Variants in CC2D2B observed in about 807,000 individuals in gnomAD.
The protein encoded by CC2D2B is coiled-coil and C2 domain containing 2B, also known as protein CC2D2B.
In CC2D2B, 128 loss-of-function variants were observed where a neutral mutation model predicts 161.2. The observed-to-expected ratio is 0.79, with a 90% CI of 0.69 to 0.92. The LOEUF is 0.92. Among genes scored for constraint, CC2D2B ranks in the 40% least tolerant of loss-of-function variants. CC2D2B has a pLI of 0.00. For missense variants in CC2D2B, 1,173 were observed against 1,375.1 expected, an observed-to-expected ratio of 0.85 and a Z score of 2.32; for synonymous variants, 391 against 449.8, an observed-to-expected ratio of 0.87 and a Z score of 1.65.
rs116385880 is a variant in CC2D2B, at chr10:96,013,047, T to C, written c.3426+318T>C. On this transcript the variant is annotated intron_variant, in intron 28 of 34. Transcript: ENST00000646931. ...CTATCTTTATCTTTTAAAAACTATG[T>C]ACAAATCTGAGCTCCTTTGCTTGTC... Among the ~76,000 whole-genome samples the C allele has an allele frequency of 6.4e-3, 969 of 152,344 alleles. 4 individuals carry two copies. Among genetic ancestry groups the C allele is most frequent in the Middle Eastern group, 0.027 (8 of 294 alleles).
chr10:95,947,102 T>TAC (rs2076232788), intron 9 of CC2D2B, among the ~76,000 whole-genome samples: 1 of 36,120 alleles, frequency 2.8e-5, no homozygotes, highest in African/African-American at 1.8e-4. Context: ...TATATATATA[T>TAC]ATATATATAT....
chr10:95,997,082 A>G (rs1487724126), intron 24 of CC2D2B, among the ~76,000 whole-genome samples: 2 of 152,142 alleles, frequency 1.3e-5, no homozygotes, highest in African/African-American at 4.8e-5. Flanking sequence ...CAGCCTCCAT[A>G]ATTGTAGGAA....
At chr10:95,984,702 C>A (rs1333481322) in intron 19 of CC2D2B, 1 of 151,770 alleles carries the variant, frequency 6.6e-6, no homozygotes, top group Non-Finnish European at 1.5e-5. Flanking sequence ...AATAGTGAGA[C>A]CTCATCTCTA....
chr10:95,927,391 T>A (rs2098541290), intron 6 of CC2D2B, 59 bp downstream of exon 6: 1 of 909,318 alleles, frequency 1.1e-6, no homozygotes, highest in African/African-American at 1.7e-5. Context: ...GATTCTTTAT[T>A]AAAAGTGCAG....
At chr10:96,002,463 A>G (rs2078541339) in intron 24 of CC2D2B, among the ~76,000 whole-genome samples, 2 of 152,356 alleles carry the variant, frequency 1.3e-5, no homozygotes, top group South Asian at 4.1e-4. Flanking sequence ...ACATTTTAAC[A>G]GAATACAGAA....
At chr10:95,951,500 A>G (rs897047817) in intron 10 of CC2D2B, among the ~76,000 whole-genome samples, 3 of 152,214 alleles carry the variant, frequency 2.0e-5, no homozygotes, top group African/African-American at 7.2e-5. Context: ...GGAGAACTTA[A>G]TAGATGAACA....
chr10:95,919,511 C>G (rs2098522555), intron 2 of CC2D2B: 2 of 152,228 alleles, frequency 1.3e-5, no homozygotes, highest in Admixed American at 1.3e-4. Context: ...TCTCTCCATG[C>G]TGAGCTGCCT....
intron 9 of CC2D2B, among the ~76,000 whole-genome samples, chr10:95,942,153 C>A (rs1193590532): frequency 6.6e-6 from 1 of 152,038 alleles, no homozygotes; most frequent in Non-Finnish European, 1.5e-5. Flanking sequence ...ATGGCGGTTG[C>A]CAGGGGCTTG....
chr10:95,964,892 C>T (rs953686401), intron 12 of CC2D2B, among the ~76,000 whole-genome samples: 3 of 152,268 alleles, frequency 2.0e-5, no homozygotes, highest in Admixed American at 1.3e-4. Flanking sequence ...GCAATTTAAT[C>T]TTAGGATGTT....
chr10:95,945,757 G>T (rs1428379679), intron 9 of CC2D2B, among the ~76,000 whole-genome samples: 3 of 144,904 alleles, frequency 2.1e-5, no homozygotes, highest in African/African-American at 7.6e-5. Flanking sequence ...CCTCTCAAAA[G>T]AATTCATTCT....
At position 95,972,053 on chromosome 10, in the gene CC2D2B, C is replaced by A. The variant is rs2141502781; in HGVS notation, c.1645-13C>A. Reference sequence around the variant, plus strand: ...ATTTTTAGTGATCTATCAGCCATTTCTTTTATATTTAGGTTTATGAAAAAA... The same window carrying A: ...ATTTTTAGTGATCTATCAGCCATTTATTTTATATTTAGGTTTATGAAAAAA... On this transcript the variant is annotated splice_polypyrimidine_tract_variant and intron_variant, in intron 15 of 34. Coordinates refer to ENST00000646931, the MANE Select transcript of CC2D2B (RefSeq NM_001349008.3). 1 of 1,213,166 alleles carries A rather than the reference C, an allele frequency of 8.2e-7. No individual in the cohort carries two copies. Among genetic ancestry groups the A allele is most frequent in the South Asian group, 4.2e-5 (1 of 23,916 alleles). 75.2% of individuals were successfully genotyped at this position (1,213,166 alleles called of 1,614,324 possible).
Position 96,032,126 on chromosome 10 carries a change from T to A in CC2D2B, c.*118T>A, listed in dbSNP as rs2142000313. The stretch of plus-strand genomic sequence containing the variant: ...AAGTCCAGCTAAGTGCTGGGCCCAA[T>A]TTTTGATTCACTTACAGAGCTGGGC... On this transcript the variant is annotated 3_prime_UTR_variant, in exon 35 of 35. Coordinates refer to ENST00000646931, the MANE Select transcript of CC2D2B (RefSeq NM_001349008.3). 2.7e-6 allele frequency: 2 copies of A among 737,240 alleles called. No homozygotes were observed. Among genetic ancestry groups the A allele is most frequent in the East Asian group, 5.4e-5 (2 of 37,088 alleles). 45.7% of individuals were successfully genotyped at this position (737,240 alleles called of 1,614,324 possible).
rs1403846331 is a variant in CC2D2B at position 95,938,012 on chromosome 10, C to T, written c.358C>T (p.Pro120Ser). The T allele has an allele frequency of 3.9e-6, 6 of 1,548,748 alleles. No individual in the cohort carries two copies. Among genetic ancestry groups the T allele is most frequent in the Non-Finnish European group, 5.2e-6 (6 of 1,144,664 alleles). Residue 120 changes from proline to serine, a missense_variant, in exon 7 of 35, where the codon CCC (proline) becomes TCC (serine). By Grantham distance (74) the Pro-to-Ser change is moderately conservative. Coordinates refer to ENST00000646931, the MANE Select transcript of CC2D2B (RefSeq NM_001349008.3). ...SEQRPVNRSYPKCFSLGVNLQ... is the reference protein window; with the variant it reads ...SEQRPVNRSYSKCFSLGVNLQ... ...ACAGAGACCAGTAAACCGTAGTTAT[C>T]CCAAATGCTTTTCACTTGGTGTTAA...
chr10:95,948,235 A>C (rs2076289533), intron 9 of CC2D2B, among the ~76,000 whole-genome samples: 1 of 143,544 alleles, frequency 7.0e-6, no homozygotes, highest in Non-Finnish European at 1.5e-5. Context: ...TGGAGGCATC[A>C]CACTACCTGA....
chr10:96,000,066 T>G (rs2078409820), intron 24 of CC2D2B: 8 of 1,480,796 alleles, frequency 5.4e-6, no homozygotes, highest in South Asian at 2.3e-5. Context: ...ACTCTTCCAG[T>G]TTTGCCGTGG....
At chr10:95,935,136 G>C (rs1429264379) in intron 6 of CC2D2B, among the ~76,000 whole-genome samples, 1 of 152,192 alleles carries the variant, frequency 6.6e-6, no homozygotes, top group Non-Finnish European at 1.5e-5. Context: ...CTTCCAAAGT[G>C]TTGGGATTAC....
chr10:96,023,928 T>C (rs1003678419), intron 32 of CC2D2B, among the ~76,000 whole-genome samples: 5 of 152,358 alleles, frequency 3.3e-5, no homozygotes, highest in African/African-American at 1.2e-4. Flanking sequence ...CTTAGGAACC[T>C]AGAGGCCTAT....
intron 24 of CC2D2B, 128 bp downstream of exon 24, chr10:95,996,380 C>A: frequency 1.9e-6 from 1 of 539,996 alleles, no homozygotes; most frequent in Non-Finnish European, 3.3e-6. Context: ...TGAAATATTT[C>A]ATGCACATAA....
At chr10:95,924,695 A>T in intron 4 of CC2D2B, 84 bp from the exon 5 acceptor site, 1 of 856,212 alleles carries the variant, frequency 1.2e-6, no homozygotes, top group Non-Finnish European at 1.9e-6. Flanking sequence ...ATTGCAAAGT[A>T]TTGATATTTA....
Sources: gnomAD v4.1 joint callset for allele counts (sites outside exome capture counted in the v4.1 genomes callset) on GRCh38, gnomAD v4.1.1 for gene constraint, MANE v1.5 for transcripts, NCBI Gene and HGNC (gene_info 2026-07-23, HGNC 2026-07-21) for gene names.